The following CNTN4 variants were observed in gnomAD, a reference collection of about 807,000 sequenced individuals.
CNTN4 encodes the protein contactin 4, also known as contactin-4.
In CNTN4, 77 loss-of-function variants were observed where a neutral mutation model predicts 122.5. The observed-to-expected ratio is 0.63, with a 90% CI of 0.52 to 0.76. CNTN4 has a LOEUF of 0.76. Among genes scored for constraint, CNTN4 ranks in the 30% least tolerant of loss-of-function variants. CNTN4 has a pLI of 0.00. For missense variants in CNTN4, 1,256 were observed against 1,259.1 expected, an observed-to-expected ratio of 1.00 and a Z score of 0.04; for synonymous variants, 512 against 447.0, an observed-to-expected ratio of 1.15 and a Z score of -1.83.
intron 3 of CNTN4, among the ~76,000 whole-genome samples, chr3:2,427,313 C>A (rs2047877595): frequency 6.6e-6 from 1 of 152,094 alleles, no homozygotes; most frequent in South Asian, 2.1e-4. Context: ...TTATTTCTGC[C>A]TTCATTTCGT....
At chr3:2,678,707 C>G (rs2600280) in intron 4 of CNTN4, among the ~76,000 whole-genome samples, 4 of 151,940 alleles carry the variant, frequency 2.6e-5, no homozygotes, top group Non-Finnish European at 2.9e-5. Flanking sequence ...AAAATAGCTC[C>G]GGATAGAATT....
chr3:3,034,257 A>G (rs938082639), intron 16 of CNTN4, among the ~76,000 whole-genome samples: 2 of 152,236 alleles, frequency 1.3e-5, no homozygotes, highest in African/African-American at 4.8e-5. Context: ...TCACTACCGT[A>G]TCCTCAAATA....
chr3:2,532,298 G>T (rs1294864402), intron 3 of CNTN4, among the ~76,000 whole-genome samples: 1 of 151,740 alleles, frequency 6.6e-6, no homozygotes, highest in Non-Finnish European at 1.5e-5. Flanking sequence ...TGTCACCCTG[G>T]GCTGGACTGC....
At chr3:3,034,854 G>A in intron 17 of CNTN4, 64 bp downstream of exon 17, 4 of 1,540,076 alleles carry the variant, frequency 2.6e-6, no homozygotes, top group Non-Finnish European at 3.6e-6. Flanking sequence ...CAGCACTGTG[G>A]CAAGGAACGT....
chr3:3,048,229 A>G (rs904528180), intron 23 of CNTN4, among the ~76,000 whole-genome samples: 2 of 139,616 alleles, frequency 1.4e-5, no homozygotes, highest in Non-Finnish European at 3.2e-5. Context: ...AAAAATATTC[A>G]GGAAAAAAAA....
chr3:2,385,172 A>AATGATATG lies in CNTN4; in HGVS notation c.-89+45940_-89+45941insTGATATGA, dbSNP rs1407081181. On this transcript the variant is annotated intron_variant, in intron 3 of 24. Transcript: ENST00000418658. The surrounding 1 kb of genome is among the most constrained non-coding windows in gnomAD (Gnocchi z 4.0). ...TAAACCATAATCCATAACTCATATC[A>AATGATATG]ACAAGGTTAATCCCAAACTCTTTTT... Among the ~76,000 whole-genome samples the AATGATATG allele has an allele frequency of 6.6e-6, 1 of 152,230 alleles. No individual in the cohort carries two copies. The highest frequency in any genetic ancestry group is 1.5e-5 in the Non-Finnish European group (1 of 68,038).
At chr3:2,764,288 A>T (rs1403434033) in intron 6 of CNTN4, among the ~76,000 whole-genome samples, 1 of 152,234 alleles carries the variant, frequency 6.6e-6, no homozygotes, top group Non-Finnish European at 1.5e-5. Flanking sequence ...TGTTTGTGAC[A>T]AAGGAAATTA....
Position 2,319,705 on chromosome 3 carries a change from C to T in CNTN4, c.-144-19473C>T, listed in dbSNP as rs188986610. 3.4e-4 allele frequency among the ~76,000 whole-genome samples: 52 copies of T among 152,206 alleles called. No homozygotes were observed. In the East Asian group the frequency reaches 5.6e-3, roughly 16 times the overall value. On this transcript the variant is annotated intron_variant, in intron 2 of 24. Coordinates refer to ENST00000418658, the MANE Select transcript of CNTN4 (RefSeq NM_175607.3). The stretch of plus-strand genomic sequence containing the variant: ...AATATGTGTTGACTGTTTATGTTAT[C>T]GGTAAGACTTTTGGTGAATAGTTGG...
chr3:2,201,020 A>G (rs979688053), intron 2 of CNTN4, among the ~76,000 whole-genome samples: 4 of 152,146 alleles, frequency 2.6e-5, no homozygotes, highest in Non-Finnish European at 5.9e-5. Flanking sequence ...CTTTAGGGGG[A>G]TTGTGCCACC....
intron 6 of CNTN4, among the ~76,000 whole-genome samples, chr3:2,780,077 A>G (rs62232877): frequency 0.32 from 48,401 of 152,158 alleles, 9,650 homozygotes; most frequent in African/African-American, 0.57. Context: ...ACATGTGATC[A>G]AAGAGAAAAA....
intron 2 of CNTN4, among the ~76,000 whole-genome samples, chr3:2,284,159 A>G (rs2041824402): frequency 6.6e-6 from 1 of 152,138 alleles, no homozygotes; most frequent in Admixed American, 6.6e-5. Context: ...AGGCAGAGGA[A>G]TTAAAGAAAG....
chr3:3,009,554 T>G lies in CNTN4; in HGVS notation c.1487-16548T>G, dbSNP rs370144488. 3.3e-5 allele frequency among the ~76,000 whole-genome samples: 5 copies of G among 150,042 alleles called. No homozygotes were observed. In the East Asian group the frequency reaches 7.8e-4, roughly 24 times the overall value. On this transcript the variant is annotated intron_variant, in intron 14 of 24. Coordinates refer to ENST00000418658, the MANE Select transcript of CNTN4 (RefSeq NM_175607.3). ...GTTCCCGCCATTCTCCTGCCTCAGC[T>G]TCCCGAGTAGCTGGGACTACAGGCG...
chr3:2,952,761 T>C (rs190619239), intron 13 of CNTN4, among the ~76,000 whole-genome samples: 1 of 152,368 alleles, frequency 6.6e-6, no homozygotes, highest in Admixed American at 6.5e-5. Context: ...TTTAATCTAC[T>C]ACAGTTCACA....
intron 3 of CNTN4, among the ~76,000 whole-genome samples, chr3:2,509,975 T>C (rs2076837084): frequency 6.6e-6 from 1 of 152,190 alleles, no homozygotes; most frequent in Non-Finnish European, 1.5e-5. Context: ...TACTATCAGG[T>C]AGACACAGTT....
intron 2 of CNTN4, among the ~76,000 whole-genome samples, chr3:2,203,475 G>A (rs973424664): frequency 5.3e-5 from 8 of 152,152 alleles, no homozygotes; most frequent in African/African-American, 1.9e-4. Flanking sequence ...AGAAATAGAT[G>A]CTTAAAAAGG....
intron 12 of CNTN4, among the ~76,000 whole-genome samples, chr3:2,906,236 G>C (rs2094230490): frequency 6.6e-6 from 1 of 152,182 alleles, no homozygotes; most frequent in South Asian, 2.1e-4. Context: ...ACTTCAGTTA[G>C]ATGGGACAAA....
chr3:3,030,290 T>G (rs1699053059), intron 15 of CNTN4, among the ~76,000 whole-genome samples: 1 of 152,194 alleles, frequency 6.6e-6, no homozygotes, highest in African/African-American at 2.4e-5. Flanking sequence ...AACATGCATT[T>G]GGCATTTGGA....
At chr3:2,909,726 G>T (rs1559650698) in intron 12 of CNTN4, among the ~76,000 whole-genome samples, 1 of 152,156 alleles carries the variant, frequency 6.6e-6, no homozygotes, top group East Asian at 1.9e-4. Flanking sequence ...TTGATTATCA[G>T]GCTTTATCGT....
intron 13 of CNTN4, among the ~76,000 whole-genome samples, chr3:2,948,982 A>G (rs188498807): frequency 8.0e-4 from 122 of 152,164 alleles, no homozygotes; most frequent in African/African-American, 2.7e-3. Flanking sequence ...ATTCACTTCA[A>G]ATAGTCTCTG....
Sources: allele counts gnomAD v4.1 joint callset (sites outside exome capture counted in the v4.1 genomes callset), GRCh38; gene constraint gnomAD v4.1.1; non-coding constraint Gnocchi (gnomAD v3.1); transcripts MANE v1.5; gene names NCBI Gene and HGNC (gene_info 2026-07-23, HGNC 2026-07-21).